The following GRIK1 variants were observed in gnomAD, a reference collection of about 807,000 sequenced individuals.
The protein encoded by GRIK1 is glutamate ionotropic receptor kainate type subunit 1, also known as glutamate receptor ionotropic, kainate 1.
In GRIK1, 69 loss-of-function variants were observed where a neutral mutation model predicts 105.7. The observed-to-expected ratio is 0.65, with a 90% CI of 0.54 to 0.80. GRIK1 has a LOEUF of 0.80. Among genes scored for constraint, GRIK1 ranks in the 30% least tolerant of loss-of-function variants. The pLI, the probability that GRIK1 is intolerant of heterozygous loss-of-function variation, is 0.00. For synonymous variants in GRIK1, 438 were observed against 431.3 expected (o/e 1.02, Z -0.19); for missense variants, 1,109 against 1,167.3 (o/e 0.95, Z 0.73).
intron 7 of GRIK1, among the ~76,000 whole-genome samples, chr21:29,618,293 T>C (rs1177418003): frequency 6.6e-6 from 1 of 152,048 alleles, no homozygotes; most frequent in African/African-American, 2.4e-5. Context: ...TGAATGCAAA[T>C]CCAAACCACA....
chr21:29,684,582 A>G (rs550357924), intron 3 of GRIK1, among the ~76,000 whole-genome samples: 4 of 151,910 alleles, frequency 2.6e-5, no homozygotes, highest in East Asian at 1.9e-4. Flanking sequence ...ATCTTGGCGC[A>G]CTGCAAGCTC....
chr21:29,838,982 G>A (rs1349430285), intron 1 of GRIK1, among the ~76,000 whole-genome samples: 3 of 152,152 alleles, frequency 2.0e-5, no homozygotes, highest in African/African-American at 7.2e-5. Context: ...ATTATTAAAC[G>A]AAGTAAGCTA....
At chr21:29,814,199 C>T (rs1219635331) in intron 1 of GRIK1, among the ~76,000 whole-genome samples, 1 of 151,366 alleles carries the variant, frequency 6.6e-6, no homozygotes, top group Non-Finnish European at 1.5e-5. Flanking sequence ...GATCCACCTG[C>T]CTCGGCCTCC....
rs78240938 is a variant in GRIK1 at position 29,732,108 on chromosome 21, A to T, written c.119-38045T>A. On this transcript the variant is annotated intron_variant, in intron 1 of 17. Coordinates refer to ENST00000327783, the MANE Select transcript of GRIK1 (RefSeq NM_001330994.2). Reference sequence around the variant, plus strand: ...TAAGCACTTTCCATGAACTCTTTGAACGACCGTTGTAATTTAAACTGCGTT... The same window carrying T: ...TAAGCACTTTCCATGAACTCTTTGATCGACCGTTGTAATTTAAACTGCGTT... Among the ~76,000 whole-genome samples the T allele has an allele frequency of 2.0e-5, 3 of 152,304 alleles. No individual in the cohort carries two copies. In the East Asian group the frequency reaches 5.8e-4, roughly 29 times the overall value.
chr21:29,820,755 C>T (rs558374682), intron 1 of GRIK1, among the ~76,000 whole-genome samples: 3 of 151,936 alleles, frequency 2.0e-5, no homozygotes, highest in Non-Finnish European at 4.4e-5. Context: ...ATTTATTATG[C>T]ACTAGGCACT....
At chr21:29,801,495 T>C (rs1186878113) in intron 1 of GRIK1, among the ~76,000 whole-genome samples, 1 of 152,100 alleles carries the variant, frequency 6.6e-6, no homozygotes, top group Non-Finnish European at 1.5e-5. Context: ...CTTCAAGGTT[T>C]GTGAAACCTG....
intron 1 of GRIK1, chr21:29,760,493 ATTG>A (rs2065480716): frequency 6.6e-6 from 1 of 152,202 alleles, no homozygotes. Flanking sequence ...AGGGAGGGAA[ATTG>A]TTGTACTGGA....
chr21:29,783,279 CA>C (rs150946092), intron 1 of GRIK1, among the ~76,000 whole-genome samples: 7,225 of 152,104 alleles, frequency 0.048, 216 homozygotes, highest in Middle Eastern at 0.078. Flanking sequence ...TCCATCAGGG[CA>C]AAAATAGTAC....
chr21:29,610,105 A>G (rs916688710), intron 7 of GRIK1, among the ~76,000 whole-genome samples: 1 of 152,176 alleles, frequency 6.6e-6, no homozygotes, highest in African/African-American at 2.4e-5. Flanking sequence ...CTTACAGGTA[A>G]AAAGGAAGAC....
chr21:29,760,653 A>G (rs113941805), intron 1 of GRIK1, among the ~76,000 whole-genome samples: 33 of 152,356 alleles, frequency 2.2e-4, no homozygotes, highest in African/African-American at 7.7e-4. Context: ...ACAGCTTTCT[A>G]CAATAAAACA....
At chr21:29,792,100 TG>T (rs1285653982) in intron 1 of GRIK1, among the ~76,000 whole-genome samples, 7 of 152,086 alleles carry the variant, frequency 4.6e-5, no homozygotes, top group African/African-American at 1.7e-4. Context: ...GACTGTTATG[TG>T]TGTGTGTATA....
chr21:29,582,382 T>C, intron 12 of GRIK1: 1 of 466,984 alleles, frequency 2.1e-6, no homozygotes. Context: ...AGCATTATTA[T>C]AGGTCTACCT....
intron 1 of GRIK1, among the ~76,000 whole-genome samples, chr21:29,785,692 T>C (rs1017827697): frequency 6.6e-6 from 1 of 152,126 alleles, no homozygotes; most frequent in Non-Finnish European, 1.5e-5. Flanking sequence ...TTTTGTTCCC[T>C]GGGCATAGAT....
chr21:29,842,608 G>A (rs1268996723), intron 1 of GRIK1, among the ~76,000 whole-genome samples: 2 of 152,148 alleles, frequency 1.3e-5, no homozygotes, highest in East Asian at 1.9e-4. Flanking sequence ...CATGTAGGAC[G>A]GTCAATTCCA....
chr21:29,643,265 C>T (rs912178893), intron 6 of GRIK1, among the ~76,000 whole-genome samples: 2 of 152,202 alleles, frequency 1.3e-5, no homozygotes, highest in Non-Finnish European at 2.9e-5. Flanking sequence ...TGCGAAGTGT[C>T]CTCCATGTTA....
At chr21:29,777,841 A>T (rs2065989119) in intron 1 of GRIK1, among the ~76,000 whole-genome samples, 1 of 152,208 alleles carries the variant, frequency 6.6e-6, no homozygotes, top group South Asian at 2.1e-4. Context: ...AATCCACAGA[A>T]CTTGACGACT....
At chr21:29,824,076 G>A (rs551476832) in intron 1 of GRIK1, among the ~76,000 whole-genome samples, 4 of 151,900 alleles carry the variant, frequency 2.6e-5, no homozygotes, top group Non-Finnish European at 5.9e-5. Context: ...GTGAGGGGTG[G>A]TGGTGACTTG....
At chr21:29,773,960 A>G (rs1436499888) in intron 1 of GRIK1, among the ~76,000 whole-genome samples, 1 of 152,040 alleles carries the variant, frequency 6.6e-6, no homozygotes, top group African/African-American at 2.4e-5. Context: ...ACTCAATCCA[A>G]CTTTTATTTT....
intron 1 of GRIK1, among the ~76,000 whole-genome samples, chr21:29,915,462 C>T (rs564549324): frequency 2.6e-4 from 39 of 152,112 alleles, no homozygotes; most frequent in African/African-American, 8.4e-4. Context: ...ATAGGCACAA[C>T]GCTTTAGTAT....
Sources: gnomAD v4.1 joint callset for allele counts (sites outside exome capture counted in the v4.1 genomes callset) on GRCh38, gnomAD v4.1.1 for gene constraint, MANE v1.5 for transcripts, NCBI Gene and HGNC (gene_info 2026-07-23, HGNC 2026-07-21) for gene names.